Variants in CSTF3 observed in about 807,000 individuals in gnomAD.
CSTF3 encodes the protein cleavage stimulation factor subunit 3.
In CSTF3, 29 loss-of-function variants were observed where a neutral mutation model predicts 105.8. The observed-to-expected ratio is 0.27, with a 90% CI of 0.20 to 0.37. The LOEUF (loss-of-function observed/expected upper bound fraction) is 0.37. CSTF3 is among the 10% of genes least tolerant of loss of function. The probability of loss-of-function intolerance (pLI) is 1.00; values close to 1 mark genes in which losing one functional copy is unlikely to be tolerated. For synonymous variants in CSTF3, 252 were observed against 281.9 expected, an observed-to-expected ratio of 0.89 and a Z score of 1.06; for missense variants, 357 against 879.3, an observed-to-expected ratio of 0.41 and a Z score of 7.51.
intron 3 of CSTF3, among the ~76,000 whole-genome samples, chr11:33,128,313 A>C (rs1261633155): frequency 6.6e-6 from 1 of 152,142 alleles, no homozygotes; most frequent in Admixed American, 6.5e-5. Flanking sequence ...TGGCTTCTTA[A>C]TTGTATTAGT....
At chr11:33,088,111 A>G (rs1254364132) in intron 17 of CSTF3, among the ~76,000 whole-genome samples, 3 of 152,222 alleles carry the variant, frequency 2.0e-5, no homozygotes, top group African/African-American at 7.2e-5. Context: ...TCTAAATGGT[A>G]GACACATTGG....
intron 3 of CSTF3, among the ~76,000 whole-genome samples, chr11:33,121,354 A>G (rs1855488051): frequency 6.6e-6 from 1 of 152,124 alleles, no homozygotes. Context: ...TTATAAAATT[A>G]TTTCATAAAA....
At chr11:33,112,238 G>C (rs2088378248) in intron 3 of CSTF3, among the ~76,000 whole-genome samples, 1 of 151,118 alleles carries the variant, frequency 6.6e-6, no homozygotes, top group Non-Finnish European at 1.5e-5. Context: ...TGGGTGACAA[G>C]AGCGAAACTC....
intron 3 of CSTF3, among the ~76,000 whole-genome samples, chr11:33,133,029 G>A (rs1436623930): frequency 1.3e-5 from 2 of 151,850 alleles, no homozygotes; most frequent in African/African-American, 4.8e-5. Context: ...TGACAGAATT[G>A]ACAGGCATCA....
Position 33,098,695 on chromosome 11 carries a change from T to C in CSTF3, c.1123A>G (p.Thr375Ala). The C allele has an allele frequency of 6.3e-7, 1 of 1,578,450 alleles. No homozygotes were observed. Among genetic ancestry groups the C allele is most frequent in the Non-Finnish European group, 8.6e-7 (1 of 1,161,250 alleles). The change falls in exon 13 of 21, where the codon ACC (threonine) becomes GCC (alanine). Residue 375 changes from threonine to alanine, a missense_variant. Around this residue, in one of 4 missense-constraint regions of CSTF3, gnomAD observed 206 missense variants for 576.5 expected, o/e 0.36. Coordinates refer to ENST00000323959, the MANE Select transcript of CSTF3 (RefSeq NM_001326.3). ...RLLAIEDIDP[T>A]LVYIQYMKFA... is the part of the protein sequence containing the mutation. ...AGATTTGTAAAGTTACTCACCAAGG[T>C]AGGGTCAATATCCTCAATTGCCAGA... is the stretch of plus-strand genomic sequence containing the variant.
In CSTF3 at chr11:33,161,331, C is replaced by T; in HGVS notation, c.-6G>A. ...GTGGCTCCGTCTCCTGACATGGCCT[C>T]AGCTGATTACAACGTGCGCACTGAC... On this transcript the variant is annotated 5_prime_UTR_variant, in exon 1 of 21. Coordinates refer to ENST00000323959, the MANE Select transcript of CSTF3 (RefSeq NM_001326.3). The T allele has an allele frequency of 6.2e-7, 1 of 1,612,826 alleles. No individual in the cohort carries two copies. The highest frequency in any genetic ancestry group is 8.5e-7 in the Non-Finnish European group (1 of 1,180,020).
chr11:33,087,248 G>GAAAGA, intron 17 of CSTF3, 107 bp from the exon 18 acceptor site: 3 of 1,134,238 alleles, frequency 2.6e-6, no homozygotes, highest in Non-Finnish European at 3.8e-6. Context: ...CAAAACCACA[G>GAAAGA]AAAGAAAATG....
At chr11:33,142,809 G>A (rs1397989732) in intron 1 of CSTF3, among the ~76,000 whole-genome samples, 2 of 152,102 alleles carry the variant, frequency 1.3e-5, no homozygotes, top group African/African-American at 4.8e-5. Context: ...TCCATTCAAT[G>A]TTTGACTTTT....
At chr11:33,092,810 TACTTTA>T (rs980634396) in intron 15 of CSTF3, among the ~76,000 whole-genome samples, 1 of 152,232 alleles carries the variant, frequency 6.6e-6, no homozygotes, top group Non-Finnish European at 1.5e-5. Context: ...TATATTTAGC[TACTTTA>T]ACTCTTGCAG....
At chr11:33,135,724 T>C (rs1234581474) in intron 3 of CSTF3, among the ~76,000 whole-genome samples, 1 of 152,168 alleles carries the variant, frequency 6.6e-6, no homozygotes, top group African/African-American at 2.4e-5. Context: ...TGAAAAAATT[T>C]CCAGGGAAAC....
intron 1 of CSTF3, among the ~76,000 whole-genome samples, chr11:33,146,242 C>CA (rs1241930063): frequency 6.1e-5 from 9 of 147,068 alleles, no homozygotes; most frequent in South Asian, 4.3e-4. Flanking sequence ...GACTCCGTCT[C>CA]AAAAAAAAAG....
intron 3 of CSTF3, among the ~76,000 whole-genome samples, chr11:33,111,271 C>T (rs1193721508): frequency 6.6e-6 from 1 of 152,094 alleles, no homozygotes; most frequent in African/African-American, 2.4e-5. Flanking sequence ...GGTAATTGTA[C>T]AAGATTACTT....
At chr11:33,144,929 T>TCA in intron 1 of CSTF3, 1 of 208,492 alleles carries the variant, frequency 4.8e-6, no homozygotes, top group South Asian at 5.5e-5. Context: ...GGAACTGAGA[T>TCA]TGCCGCCACT....
intron 3 of CSTF3, among the ~76,000 whole-genome samples, chr11:33,133,938 CAT>C (rs1855626270): frequency 6.6e-6 from 1 of 152,170 alleles, no homozygotes; most frequent in South Asian, 2.1e-4. Flanking sequence ...AAAAGTATAA[CAT>C]AGACTGCAGA....
chr11:33,100,315 A>G (rs1464135530), intron 10 of CSTF3, among the ~76,000 whole-genome samples: 1 of 149,862 alleles, frequency 6.7e-6, no homozygotes, highest in Non-Finnish European at 1.5e-5. Context: ...AGATCACGCC[A>G]CTGCACTCCA....
intron 17 of CSTF3, among the ~76,000 whole-genome samples, chr11:33,087,940 C>T (rs1203844511): frequency 6.6e-6 from 1 of 152,224 alleles, no homozygotes; most frequent in Non-Finnish European, 1.5e-5. Context: ...GAGGCCCTAT[C>T]TCAGAGGAGC....
In CSTF3 at chr11:33,085,723, C is replaced by T; in HGVS notation, c.1941G>A (p.Lys647=). The T allele has an allele frequency of 6.2e-7, 1 of 1,612,654 alleles. No homozygotes were observed. The change falls in exon 20 of 21, where the codon AAG becomes AAA. Residue 647 remains lysine (K), a synonymous_variant. Transcript: ENST00000323959. ...DELMEIFRRC[K]IPNTVEEAVR... ...GCTTCTGTTACTTACTATTTGGTAT[C>T]TTGCATCTTCGGAAAATTTCCATCA...
chr11:33,094,374 AC>A (rs1197798517), intron 15 of CSTF3, among the ~76,000 whole-genome samples: 2 of 152,196 alleles, frequency 1.3e-5, no homozygotes, highest in Non-Finnish European at 2.9e-5. Flanking sequence ...TTATATTTAC[AC>A]ATTGGATTCC....
chr11:33,128,366 C>A (rs1855566113), intron 3 of CSTF3, among the ~76,000 whole-genome samples: 1 of 151,526 alleles, frequency 6.6e-6, no homozygotes, highest in African/African-American at 2.4e-5. Flanking sequence ...GAAAAAGAAA[C>A]CAAAAGAGAA....
Sources: allele counts gnomAD v4.1 joint callset (sites outside exome capture counted in the v4.1 genomes callset), GRCh38; gene constraint gnomAD v4.1.1; regional missense constraint gnomAD v4.1.1; transcripts MANE v1.5; gene names NCBI Gene and HGNC (gene_info 2026-07-23, HGNC 2026-07-21).